PDS5A: variants seen among roughly 807,000 people sequenced by gnomAD.
PDS5A encodes PDS5 cohesin associated factor A.
Under a neutral mutation model 167.1 loss-of-function variants are expected in PDS5A, and 42 were observed. The ratio of observed to expected loss-of-function variants is 0.25; its 90% CI spans 0.20 to 0.33. The LOEUF (loss-of-function observed/expected upper bound fraction) is 0.33, where lower values mean the gene tolerates loss of function less well. Among genes scored for constraint, PDS5A ranks in the 10% least tolerant of loss-of-function variants. The probability of loss-of-function intolerance (pLI) is 1.00; values close to 1 mark genes in which losing one functional copy is unlikely to be tolerated. For synonymous variants in PDS5A, 553 were observed against 554.6 expected (o/e 1.00, Z 0.04); for missense variants, 1,033 against 1,605.9 (o/e 0.64, Z 6.10).
At chr4:39,933,462 T>C (rs1368000580) in intron 2 of PDS5A, 1 of 152,114 alleles carries the variant, frequency 6.6e-6, no homozygotes, top group Admixed American at 6.6e-5. Context: ...AGTTAAAGCA[T>C]GCATATATTT....
chr4:39,965,761 G>A (rs1198514020), intron 2 of PDS5A, among the ~76,000 whole-genome samples: 1 of 152,162 alleles, frequency 6.6e-6, no homozygotes, highest in Admixed American at 6.6e-5. Flanking sequence ...AAAGCAGAAT[G>A]GTTGTTGCCA....
intron 2 of PDS5A, among the ~76,000 whole-genome samples, chr4:39,969,912 T>A (rs1009332856): frequency 2.6e-5 from 4 of 151,160 alleles, no homozygotes; most frequent in Non-Finnish European, 5.9e-5. Context: ...CAAATAAATG[T>A]ATGGATAAAT....
chr4:39,968,972 TC>T (rs1730248641), intron 2 of PDS5A, among the ~76,000 whole-genome samples: 1 of 151,918 alleles, frequency 6.6e-6, no homozygotes, highest in African/African-American at 2.4e-5. Flanking sequence ...ACGGGGTTTC[TC>T]CATGTTGGTC....
chr4:39,934,063 G>A lies in PDS5A; in HGVS notation c.139-5899C>T, dbSNP rs575536206. ...GATAGAGGGAAGAAGCATCCATTTT[G>A]TGCTGGTACTAATCTATTAAACTGT... On this transcript the variant is annotated intron_variant, in intron 2 of 32. Transcript: ENST00000303538. Among the ~76,000 whole-genome samples, 10 of 152,284 alleles carry A rather than the reference G, an allele frequency of 6.6e-5. No homozygotes were observed. The East Asian group carries it at 1.9e-3, about 29-fold the overall frequency.
chr4:39,942,551 C>T (rs947032342), intron 2 of PDS5A, among the ~76,000 whole-genome samples: 1 of 152,096 alleles, frequency 6.6e-6, no homozygotes, highest in Non-Finnish European at 1.5e-5. Flanking sequence ...CTCAGCCTCC[C>T]GAGAAGCTTG....
chr4:39,837,562 C>A, intron 32 of PDS5A: 1 of 297,724 alleles, frequency 3.4e-6, no homozygotes, highest in South Asian at 6.9e-5. Context: ...CCTCTGCAAC[C>A]ACTTGAAAGG....
intron 17 of PDS5A, among the ~76,000 whole-genome samples, chr4:39,883,185 T>C (rs1721108020): frequency 6.6e-6 from 1 of 152,120 alleles, no homozygotes; most frequent in South Asian, 2.1e-4. Context: ...GCATCTTTTT[T>C]TTTAAAAAAA....
rs577336107 is a variant in PDS5A at position 39,898,792 on chromosome 4, G to A, written c.1615C>T (p.Leu539=). 16 of 1,589,104 alleles carry A rather than the reference G, an allele frequency of 1.0e-5. No homozygotes were observed. The East Asian group carries it at 3.6e-4, about 36-fold the overall frequency. ...EANCSAMFGK[L]MTIAKNLPDP... ...ACATACTCACTTGCTATGGTCATCA[G>A]TTTTCCAAACATGGCAGAACAGTTA... Residue 539 remains leucine (L), a synonymous_variant, in exon 15 of 33, where the codon CTG becomes TTG. Transcript: ENST00000303538.
At chr4:39,939,365 A>G (rs1727000176) in intron 2 of PDS5A, among the ~76,000 whole-genome samples, 1 of 152,066 alleles carries the variant, frequency 6.6e-6, no homozygotes, top group Admixed American at 6.6e-5. Flanking sequence ...TACTCAAGAG[A>G]ATGAGATGGG....
intron 26 of PDS5A, among the ~76,000 whole-genome samples, chr4:39,858,118 C>T (rs1052975626): frequency 2.0e-5 from 3 of 152,000 alleles, no homozygotes; most frequent in African/African-American, 7.2e-5. Flanking sequence ...ACATCCTGTG[C>T]TAATAGATTA....
At chr4:39,895,756 C>T (rs1722352171) in intron 16 of PDS5A, among the ~76,000 whole-genome samples, 1 of 152,140 alleles carries the variant, frequency 6.6e-6, no homozygotes, top group Admixed American at 6.5e-5. Flanking sequence ...CTCGCTCTGT[C>T]GCCCAGGCTG....
At chr4:39,954,905 T>C (rs1476817110) in intron 2 of PDS5A, among the ~76,000 whole-genome samples, 1 of 151,908 alleles carries the variant, frequency 6.6e-6, no homozygotes, top group Non-Finnish European at 1.5e-5. Flanking sequence ...CTAGGCGTGG[T>C]AGCACATGCC....
At chr4:39,850,924 C>T (rs1203734510) in intron 26 of PDS5A, among the ~76,000 whole-genome samples, 1 of 152,220 alleles carries the variant, frequency 6.6e-6, no homozygotes, top group Non-Finnish European at 1.5e-5. Flanking sequence ...CCTGCATCAA[C>T]AGGGGAGAAA....
At chr4:39,890,766 G>C (rs1017391292) in intron 16 of PDS5A, among the ~76,000 whole-genome samples, 1 of 151,960 alleles carries the variant, frequency 6.6e-6, no homozygotes, top group Non-Finnish European at 1.5e-5. Context: ...ACAGGCACGT[G>C]CCTCCATGCC....
At chr4:39,839,994 T>TGA (rs1560417038) in intron 31 of PDS5A, among the ~76,000 whole-genome samples, 2 of 151,954 alleles carry the variant, frequency 1.3e-5, no homozygotes, top group East Asian at 3.9e-4. Flanking sequence ...CTCAGGAGGC[T>TGA]GAGGCAGGAG....
At chr4:39,905,685 A>C (rs1371395813) in intron 11 of PDS5A, among the ~76,000 whole-genome samples, 1 of 152,216 alleles carries the variant, frequency 6.6e-6, no homozygotes, top group Non-Finnish European at 1.5e-5. Context: ...GACTCAGCAG[A>C]AACAGAGATA....
chr4:39,836,625 T>G (rs1716427121), intron 32 of PDS5A, among the ~76,000 whole-genome samples: 1 of 147,580 alleles, frequency 6.8e-6, no homozygotes, highest in Non-Finnish European at 1.5e-5. Flanking sequence ...ATTTTTTTTT[T>G]TTTTTTTTTT....
chr4:39,959,253 A>AT (rs1347843528), intron 2 of PDS5A, among the ~76,000 whole-genome samples: 1 of 152,216 alleles, frequency 6.6e-6, no homozygotes, highest in Non-Finnish European at 1.5e-5. Flanking sequence ...ACCAACACAA[A>AT]TCACAATGCC....
At position 39,943,620 on chromosome 4, in the gene PDS5A, CAAA is replaced by C. The variant is rs67431661; in HGVS notation, c.139-15459_139-15457del. On this transcript the variant is annotated intron_variant, in intron 2 of 32. Transcript: ENST00000303538. ...CCAACATGGTGAAACCCCGTTTCTA[CAAA>C]AAAAAAAAAAAAAAAAATACAAAAA... 9.0e-3 allele frequency among the ~76,000 whole-genome samples: 988 copies of C among 109,802 alleles called. 2 individuals are homozygous for C. Among genetic ancestry groups the C allele is most frequent in the South Asian group, 0.032 (110 of 3,482 alleles). 72.0% of individuals were successfully genotyped at this position (109,802 alleles called of 152,430 possible). A position where few individuals can be genotyped will look rare whatever the true frequency, so the allele number is the denominator to read the frequency against.
Sources: gnomAD v4.1 joint callset for allele counts (sites outside exome capture counted in the v4.1 genomes callset) on GRCh38, gnomAD v4.1.1 for gene constraint, MANE v1.5 for transcripts, NCBI Gene and HGNC (gene_info 2026-07-23, HGNC 2026-07-21) for gene names.